The following STX11 variants were observed in gnomAD, a reference collection of about 807,000 sequenced individuals.
STX11 encodes syntaxin-11.
A neutral mutation model predicts 19.9 loss-of-function variants in STX11; 21 were observed. The observed-to-expected ratio is 1.06, with a 90% CI of 0.75 to 1.52. STX11 has a LOEUF of 1.52. Among genes scored for constraint, STX11 ranks in the 40% most tolerant of loss-of-function variants. STX11 has a pLI of 0.00. For missense variants in STX11, 438 were observed against 405.9 expected, an observed-to-expected ratio of 1.08 and a Z score of -0.68; for synonymous variants, 193 against 174.4, an observed-to-expected ratio of 1.11 and a Z score of -0.84.
rs1801560351 is a variant in STX11 at position 144,169,114 on chromosome 6, C to G, written c.-5-17509C>G. ...TGGTAAGAAATTCACTCCTTGGAAA[C>G]AGCAAAGACACAAGCTTTTGCCTGT... On this transcript the variant is annotated intron_variant, in intron 1 of 1. Transcript: ENST00000367568. This position sits in a 1 kb window ranked among gnomAD's most constrained non-coding sequence, Gnocchi z 5.2. Among the ~76,000 whole-genome samples, 1 of 152,196 alleles carries G rather than the reference C, an allele frequency of 6.6e-6. No individual in the cohort carries two copies. Among genetic ancestry groups the G allele is most frequent in the Admixed American group, 6.5e-5 (1 of 15,278 alleles).
In STX11 at chr6:144,183,532, A is replaced by G. The variant is rs996548183; in HGVS notation, c.-5-3091A>G. Among the ~76,000 whole-genome samples the G allele has an allele frequency of 6.6e-6, 1 of 152,234 alleles. No homozygotes were observed. The highest frequency in any genetic ancestry group is 2.4e-5 in the African/African-American group (1 of 41,454). ...AACTGACTTCCAGAAAGATTCTATC[A>G]ATTACCAATTTTTTAAAATAATGAA... On this transcript the variant is annotated intron_variant, in intron 1 of 1. Transcript: ENST00000367568. The surrounding 1 kb of genome is among the most constrained non-coding windows in gnomAD (Gnocchi z 4.6).
At chr6:144,181,936 A>G (rs1397362653) in intron 1 of STX11, among the ~76,000 whole-genome samples, 2 of 152,250 alleles carry the variant, frequency 1.3e-5, no homozygotes, top group African/African-American at 4.8e-5. Context: ...ATTAGAAAGC[A>G]GAAGCAGATT....
rs4896704 is a variant in STX11 at position 144,182,639 on chromosome 6, T to A, written c.-5-3984T>A. 0.18 allele frequency among the ~76,000 whole-genome samples: 28,113 copies of A among 152,156 alleles called. 4,500 individuals are homozygous for A. Among genetic ancestry groups the A allele is most frequent in the East Asian group, 0.54 (2,792 of 5,168 alleles). On this transcript the variant is annotated intron_variant, in intron 1 of 1. Coordinates refer to ENST00000367568, the MANE Select transcript of STX11 (RefSeq NM_003764.4). The surrounding 1 kb of genome is among the most constrained non-coding windows in gnomAD (Gnocchi z 4.8). ...ATGATTGAATTGTACTTGACTCTTCTTATTGTGATGAGATGATTTCCCCCA... is the reference window on the plus strand; with the variant it reads ...ATGATTGAATTGTACTTGACTCTTCATATTGTGATGAGATGATTTCCCCCA...
chr6:144,166,941 A>T (rs1372741963), intron 1 of STX11, among the ~76,000 whole-genome samples: 2 of 151,586 alleles, frequency 1.3e-5, no homozygotes, highest in Non-Finnish European at 2.9e-5. Context: ...CCTGCACAAA[A>T]ATTTTGTTGA....
Position 144,182,970 on chromosome 6 carries a change from T to C in STX11, c.-5-3653T>C, listed in dbSNP as rs1801943372. Among the ~76,000 whole-genome samples the C allele has an allele frequency of 6.6e-6, 1 of 152,250 alleles. No homozygotes were observed. Among genetic ancestry groups the C allele is most frequent in the African/African-American group, 2.4e-5 (1 of 41,474 alleles). On this transcript the variant is annotated intron_variant, in intron 1 of 1. Transcript: ENST00000367568. This position sits in a 1 kb window ranked among gnomAD's most constrained non-coding sequence, Gnocchi z 4.8. Reference sequence around the variant, plus strand: ...TCAACTCTACGCAAACTAGCTAATGTGCTTTCCCCAGGTAGCATAAAATGT... The same window carrying C: ...TCAACTCTACGCAAACTAGCTAATGCGCTTTCCCCAGGTAGCATAAAATGT...
rs550837615 is a variant in STX11, at chr6:144,176,620, T to A, written c.-5-10003T>A. Among the ~76,000 whole-genome samples, 9 of 152,296 alleles carry A rather than the reference T, an allele frequency of 5.9e-5. No homozygotes were observed. In the South Asian group the frequency reaches 1.4e-3, roughly 25 times the overall value. On this transcript the variant is annotated intron_variant, in intron 1 of 1. Coordinates refer to ENST00000367568, the MANE Select transcript of STX11 (RefSeq NM_003764.4). The surrounding 1 kb of genome is among the most constrained non-coding windows in gnomAD (Gnocchi z 4.1). The stretch of plus-strand genomic sequence containing the variant: ...CAGTCTCTAAAGGGAGTGAGAAGAC[T>A]GTCAGTGGTGAGTGGAGATAACTGA...
chr6:144,161,550 T>C (rs1801342136), intron 1 of STX11, among the ~76,000 whole-genome samples: 1 of 152,148 alleles, frequency 6.6e-6, no homozygotes. Context: ...GTATTTTTAG[T>C]AGAGACGAGC....
intron 1 of STX11, among the ~76,000 whole-genome samples, chr6:144,166,116 A>G (rs556838599): frequency 8.5e-4 from 130 of 152,360 alleles, no homozygotes; most frequent in South Asian, 1.2e-3. Context: ...AGATCTTTTC[A>G]CTGCGTGTTC....
chr6:144,185,950 G>A (rs1006428917), intron 1 of STX11, among the ~76,000 whole-genome samples: 1 of 152,062 alleles, frequency 6.6e-6, no homozygotes, highest in African/African-American at 2.4e-5. Flanking sequence ...TCCCAGTGCC[G>A]AAATAGACAC....
At chr6:144,173,150 A>C (rs770550606) in intron 1 of STX11, among the ~76,000 whole-genome samples, 1 of 152,308 alleles carries the variant, frequency 6.6e-6, no homozygotes, top group East Asian at 1.9e-4. Context: ...TGATCATAAA[A>C]AGTTGGGGAC....
intron 1 of STX11, among the ~76,000 whole-genome samples, chr6:144,185,215 A>T (rs1428428945): frequency 6.6e-6 from 1 of 152,192 alleles, no homozygotes; most frequent in African/African-American, 2.4e-5. Context: ...CGTGGTTAAT[A>T]TTTCACCATT....
intron 1 of STX11, among the ~76,000 whole-genome samples, chr6:144,166,053 C>T (rs2128750366): frequency 6.6e-6 from 1 of 152,304 alleles, no homozygotes; most frequent in Middle Eastern, 3.4e-3. Flanking sequence ...CTACCCTTTG[C>T]TTCTTGTTTG....
Position 144,160,874 on chromosome 6 carries a change from C to T in STX11, c.-6+10171C>T, listed in dbSNP as rs749188755. ...ATGGATGTGTGAGGTCCTGTGATGACGACCATTTGCCATGTATTTTCATAT... is the reference window on the plus strand; with the variant it reads ...ATGGATGTGTGAGGTCCTGTGATGATGACCATTTGCCATGTATTTTCATAT... On this transcript the variant is annotated intron_variant, in intron 1 of 1. Transcript: ENST00000367568. This position sits in a 1 kb window ranked among gnomAD's most constrained non-coding sequence, Gnocchi z 4.3. Among the ~76,000 whole-genome samples, 19 of 110,460 alleles carry T rather than the reference C, an allele frequency of 1.7e-4. No homozygotes were observed. Among genetic ancestry groups the T allele is most frequent in the Non-Finnish European group, 2.7e-4 (17 of 62,674 alleles). 72.5% of individuals were successfully genotyped at this position (110,460 alleles called of 152,430 possible). A position where few individuals can be genotyped will look rare whatever the true frequency, so the allele number is the denominator to read the frequency against.
chr6:144,164,022 A>G (rs1422509025), intron 1 of STX11, among the ~76,000 whole-genome samples: 2 of 152,194 alleles, frequency 1.3e-5, no homozygotes, highest in East Asian at 3.8e-4. Flanking sequence ...ATATACTTTA[A>G]AAGGACTGGG....
At position 144,180,175 on chromosome 6, in the gene STX11, T is replaced by C. The variant is rs1801874814; in HGVS notation, c.-5-6448T>C. Among the ~76,000 whole-genome samples the C allele has an allele frequency of 6.6e-6, 1 of 152,244 alleles. No individual in the cohort carries two copies. Among genetic ancestry groups the C allele is most frequent in the South Asian group, 2.1e-4 (1 of 4,836 alleles). ...CTGTGAAACAGGAAAAGGTTTTGTT[T>C]CCTGGTTTTGGCAAAATTTGCTTAA... On this transcript the variant is annotated intron_variant, in intron 1 of 1. Transcript: ENST00000367568. This position sits in a 1 kb window ranked among gnomAD's most constrained non-coding sequence, Gnocchi z 5.3.
At chr6:144,150,350 C>T (rs1800963729), upstream of STX11, among the ~76,000 whole-genome samples, 1 of 152,200 alleles carries the variant, frequency 6.6e-6, no homozygotes. Flanking sequence ...GGGGCTGGAG[C>T]GCGTCCCCGG....
rs1016889776 is a variant in STX11 at position 144,169,125 on chromosome 6, C to CA, written c.-5-17496dup. 4.6e-5 allele frequency among the ~76,000 whole-genome samples: 7 copies of CA among 152,222 alleles called. No homozygotes were observed. Among genetic ancestry groups the CA allele is most frequent in the African/African-American group, 9.6e-5 (4 of 41,462 alleles). On this transcript the variant is annotated intron_variant, in intron 1 of 1. Transcript: ENST00000367568. The surrounding 1 kb of genome is among the most constrained non-coding windows in gnomAD (Gnocchi z 5.2). ...TCACTCCTTGGAAACAGCAAAGACA[C>CA]AAGCTTTTGCCTGTCATAGCCAGAT...
chr6:144,187,911 C>T lies in STX11; in HGVS notation c.*420C>T. 6.2e-6 allele frequency: 2 copies of T among 325,032 alleles called. No homozygotes were observed. Among genetic ancestry groups the T allele is most frequent in the South Asian group, 1.2e-4 (2 of 16,936 alleles). 20.1% of individuals were successfully genotyped at this position (325,032 alleles called of 1,614,324 possible). On this transcript the variant is annotated 3_prime_UTR_variant, in exon 2 of 2. Coordinates refer to ENST00000367568, the MANE Select transcript of STX11 (RefSeq NM_003764.4). This position sits in a 1 kb window ranked among gnomAD's most constrained non-coding sequence, Gnocchi z 5.6. ...GAAACTTCAGTTCATTTACTTTGTC[C>T]TGAAAATTCCCTGGTTCTGTTCCAT...
At position 144,187,084 on chromosome 6, in the gene STX11, C is replaced by T; in HGVS notation, c.457C>T (p.Gln153Ter). The T allele has an allele frequency of 6.2e-7, 1 of 1,613,704 alleles. No homozygotes were observed. Among genetic ancestry groups the T allele is most frequent in the Non-Finnish European group, 8.5e-7 (1 of 1,179,998 alleles). Residue 153 changes from glutamine (Q) to a stop codon, truncating the protein, a stop_gained, in exon 2 of 2, where the codon CAG becomes TAG. Transcript: ENST00000367568. LOFTEE classifies it high-confidence loss of function. This position sits in a 1 kb window ranked among gnomAD's most constrained non-coding sequence, Gnocchi z 5.6. ...MHDYNQAEMK[Q>*]RDNCKIRIQR... ...CGACTACAACCAGGCCGAGATGAAG[C>T]AGCGCGACAACTGCAAGATCCGCAT... is the stretch of plus-strand genomic sequence containing the variant.
Sources: allele counts gnomAD v4.1 joint callset (sites outside exome capture counted in the v4.1 genomes callset), GRCh38; gene constraint gnomAD v4.1.1; non-coding constraint Gnocchi (gnomAD v3.1); transcripts MANE v1.5; gene names NCBI Gene and HGNC (gene_info 2026-07-23, HGNC 2026-07-21).